Variants in ENPP3 observed in about 807,000 individuals in gnomAD.
ENPP3 encodes ectonucleotide pyrophosphatase/phosphodiesterase 3, also known as ectonucleotide pyrophosphatase/phosphodiesterase family member 3.
In ENPP3, 104 loss-of-function variants were observed where a neutral mutation model predicts 117.8. That is an observed-to-expected ratio of 0.88 (90% CI 0.75 to 1.04). ENPP3 has a LOEUF of 1.04. ENPP3 is among the 50% of genes least tolerant of loss of function. The pLI, the probability that ENPP3 is intolerant of heterozygous loss-of-function variation, is 0.00. For synonymous variants in ENPP3, 380 were observed against 349.9 expected, an observed-to-expected ratio of 1.09 and a Z score of -0.96; for missense variants, 1,026 against 1,051.9, an observed-to-expected ratio of 0.98 and a Z score of 0.34.
intron 11 of ENPP3, among the ~76,000 whole-genome samples, chr6:131,681,558 T>C (rs1779024383): frequency 6.6e-6 from 1 of 152,072 alleles, no homozygotes; most frequent in South Asian, 2.1e-4. Flanking sequence ...ACTTAAACTT[T>C]ATATTAGTTC....
At chr6:131,682,937 G>T in intron 11 of ENPP3, 117 bp from the exon 12 acceptor site, 1 of 702,828 alleles carries the variant, frequency 1.4e-6, no homozygotes, top group South Asian at 1.6e-5. Context: ...CTGAGGTTCT[G>T]TTTCAAAACC....
At chr6:131,674,427 TG>T (rs1260328708) in intron 8 of ENPP3, 146 bp downstream of exon 8, 2 of 751,234 alleles carry the variant, frequency 2.7e-6, no homozygotes, top group Non-Finnish European at 4.7e-6. Flanking sequence ...TACCACTATT[TG>T]TAACTTGAAT....
chr6:131,696,315 T>C (rs1779404474), intron 15 of ENPP3, among the ~76,000 whole-genome samples: 1 of 152,220 alleles, frequency 6.6e-6, no homozygotes, highest in African/African-American at 2.4e-5. Flanking sequence ...AAAGGATCTT[T>C]GCCCAGGTAG....
At chr6:131,687,250 C>G (rs190897600) in intron 14 of ENPP3, among the ~76,000 whole-genome samples, 8 of 152,174 alleles carry the variant, frequency 5.3e-5, no homozygotes, top group African/African-American at 1.7e-4. Context: ...TTTTGATTTG[C>G]TGACAAAAAC....
intron 11 of ENPP3, among the ~76,000 whole-genome samples, chr6:131,679,053 C>CTTTCT (rs1778958991): frequency 8.1e-6 from 1 of 123,756 alleles, no homozygotes; most frequent in South Asian, 2.7e-4. Flanking sequence ...TTCTTTCTTT[C>CTTTCT]TTTCTTTCTT....
Position 131,641,469 on chromosome 6 carries a change from G to T in ENPP3, c.93G>T (p.Leu31Phe). 1 of 1,611,124 alleles carries T rather than the reference G, an allele frequency of 6.2e-7. No individual in the cohort carries two copies. Among genetic ancestry groups the T allele is most frequent in the South Asian group, 1.1e-5 (1 of 90,774 alleles). ...YKIACIVLLA[L>F]LVIMSLGLGL... ...TTTTGCAATAGGTTCTTCTTGCTTT[G>T]CTGGTGATCATGTCACTTGGATTAG... Residue 31 changes from leucine to phenylalanine, a missense_variant, in exon 2 of 25, where the codon TTG (leucine) becomes TTT (phenylalanine). Physicochemically the swap from Leu to Phe is conservative, Grantham distance 22. Coordinates refer to ENST00000357639, the MANE Select transcript of ENPP3 (RefSeq NM_005021.5).
chr6:131,678,938 TTTCTTTCTTTCTTTCTTTCTTTCC>T (rs1410005277), intron 11 of ENPP3, among the ~76,000 whole-genome samples: 51 of 89,920 alleles, frequency 5.7e-4, no homozygotes, highest in African/African-American at 3.8e-3. Flanking sequence ...TCTTTCTTTC[TTTCTTTCTTTCTTTCTTTCTTTCC>T]TTCCTTCCTT....
chr6:131,722,417 C>T lies in ENPP3; in HGVS notation c.1746+12C>T, dbSNP rs1185832911. On this transcript the variant is annotated intron_variant, in intron 18 of 24. Coordinates refer to ENST00000357639, the MANE Select transcript of ENPP3 (RefSeq NM_005021.5). Reference sequence around the variant, plus strand: ...CTCACCTACAAAATGTAAGTAACAACTTCATGCATCCATAAGAACGTAAAG... The same window carrying T: ...CTCACCTACAAAATGTAAGTAACAATTTCATGCATCCATAAGAACGTAAAG... The T allele has an allele frequency of 3.1e-6, 5 of 1,609,616 alleles. No homozygotes were observed. Among genetic ancestry groups the T allele is most frequent in the Middle Eastern group, 1.7e-4 (1 of 6,046 alleles).
At chr6:131,653,308 C>A (rs1778305363) in intron 5 of ENPP3, among the ~76,000 whole-genome samples, 1 of 132,872 alleles carries the variant, frequency 7.5e-6, no homozygotes, top group South Asian at 2.4e-4. Flanking sequence ...TTTTATTTTT[C>A]TCTCTTTTTT....
intron 1 of ENPP3, among the ~76,000 whole-genome samples, chr6:131,641,060 A>AC (rs1554259761): frequency 1.1e-4 from 17 of 152,172 alleles, no homozygotes; most frequent in African/African-American, 3.9e-4. Context: ...GCAGTTAAGG[A>AC]TTTAACAGTT....
At chr6:131,713,339 A>G (rs1315946794) in intron 15 of ENPP3, among the ~76,000 whole-genome samples, 1 of 151,242 alleles carries the variant, frequency 6.6e-6, no homozygotes, top group Non-Finnish European at 1.5e-5. Flanking sequence ...TTTTTTCTAT[A>G]TTTTGGCCAG....
intron 6 of ENPP3, among the ~76,000 whole-genome samples, chr6:131,661,030 T>G (rs1778488325): frequency 6.6e-6 from 1 of 152,224 alleles, no homozygotes; most frequent in African/African-American, 2.4e-5. Context: ...GTCTTCAAGT[T>G]TCATCCATGT....
chr6:131,676,558 C>T (rs551655453), intron 9 of ENPP3, among the ~76,000 whole-genome samples, 178 bp from the exon 10 acceptor site: 7 of 152,088 alleles, frequency 4.6e-5, no homozygotes, highest in South Asian at 2.1e-4. Flanking sequence ...TTTATAGTGC[C>T]GCAAGTGTAT....
At chr6:131,683,260 C>T in intron 12 of ENPP3, 98 bp downstream of exon 12, 1 of 690,600 alleles carries the variant, frequency 1.4e-6, no homozygotes, top group South Asian at 1.8e-5. Flanking sequence ...ATCTCTACTT[C>T]CAGACCTAAA....
intron 24 of ENPP3, among the ~76,000 whole-genome samples, chr6:131,745,575 T>C (rs1416815138): frequency 1.3e-5 from 2 of 152,128 alleles, no homozygotes; most frequent in Non-Finnish European, 2.9e-5. Flanking sequence ...AAACCCATGT[T>C]TCTAAATTAT....
intron 14 of ENPP3, among the ~76,000 whole-genome samples, chr6:131,690,362 C>A (rs1779251411): frequency 6.6e-6 from 1 of 152,190 alleles, no homozygotes; most frequent in Non-Finnish European, 1.5e-5. Flanking sequence ...CCATTTTGAT[C>A]AGTCAGCAGC....
intron 13 of ENPP3, 40 bp downstream of exon 13, chr6:131,685,535 T>C (rs1468387804): frequency 1.9e-6 from 3 of 1,593,426 alleles, no homozygotes; most frequent in African/African-American, 1.4e-5. Context: ...AGGGTAAACC[T>C]GAAAGTGAAT....
Position 131,663,900 on chromosome 6 carries a change from T to C in ENPP3, c.562+5480T>C, listed in dbSNP as rs78770513. On this transcript the variant is annotated intron_variant, in intron 6 of 24. Transcript: ENST00000357639. ...TTACTGGTTTATGTATTTACTATAC[T>C]ATACTCTTTTCAAAAGAGATGGGGT... 5.5e-3 allele frequency among the ~76,000 whole-genome samples: 840 copies of C among 152,276 alleles called. 6 individuals are homozygous for C. Among genetic ancestry groups the C allele is most frequent in the African/African-American group, 0.017 (711 of 41,562 alleles).
chr6:131,679,065 C>CTTTCTTTCTTTG (rs1778960825), intron 11 of ENPP3, among the ~76,000 whole-genome samples: 1 of 126,456 alleles, frequency 7.9e-6, no homozygotes, highest in East Asian at 2.2e-4. Context: ...TTCTTTCTTT[C>CTTTCTTTCTTTG]TTTCTTTCTT....
Sources: gnomAD v4.1 joint callset for allele counts (sites outside exome capture counted in the v4.1 genomes callset) on GRCh38, gnomAD v4.1.1 for gene constraint, MANE v1.5 for transcripts, NCBI Gene and HGNC (gene_info 2026-07-23, HGNC 2026-07-21) for gene names.